The following RDX variants were observed in gnomAD, a reference collection of about 807,000 sequenced individuals.
The protein encoded by RDX is radixin, also known as deafness, autosomal recessive 24.
In RDX, 32 loss-of-function variants were observed where a neutral mutation model predicts 83.7. That is an observed-to-expected ratio of 0.38 (90% CI 0.29 to 0.51). The LOEUF is 0.51. Among genes scored for constraint, RDX ranks in the 20% least tolerant of loss-of-function variants. RDX has a pLI of 0.87. For missense variants in RDX, 600 were observed against 689.9 expected (o/e 0.87, Z 1.46); for synonymous variants, 229 against 222.7 (o/e 1.03, Z -0.25).
At chr11:110,270,261 A>G (rs1306025003) in intron 3 of RDX, among the ~76,000 whole-genome samples, 5 of 152,016 alleles carry the variant, frequency 3.3e-5, no homozygotes, top group Non-Finnish European at 4.4e-5. Context: ...ACACACCTAG[A>G]CTATATGGTA....
At chr11:110,276,252 T>C (rs1454363134) in intron 2 of RDX, among the ~76,000 whole-genome samples, 2 of 152,220 alleles carry the variant, frequency 1.3e-5, no homozygotes, top group Admixed American at 6.5e-5. Flanking sequence ...AGGGTTTTTT[T>C]TTAATCCCAA....
chr11:110,264,372 T>G (rs1307509085), intron 4 of RDX, 138 bp from the exon 5 acceptor site: 1 of 643,304 alleles, frequency 1.6e-6, no homozygotes, highest in Non-Finnish European at 2.6e-6. Flanking sequence ...TGTAATAGTC[T>G]AAATCTGTAA....
intron 11 of RDX, 132 bp downstream of exon 11, chr11:110,237,360 T>A: frequency 1.3e-6 from 1 of 787,072 alleles, no homozygotes. Flanking sequence ...CTACATTTTG[T>A]TATTAAGTTA....
rs59944885 is a variant in RDX at position 110,270,979 on chromosome 11, G to A, written c.96+1557C>T. ...ATATTCACAAACAGGAGGCACAGAA[G>A]AATCAACAGAAGTGGATATTATACC... On this transcript the variant is annotated intron_variant, in intron 3 of 13. Transcript: ENST00000645495. Among the ~76,000 whole-genome samples the A allele has an allele frequency of 1.9e-3, 294 of 152,180 alleles. 1 individual carries two copies. Among genetic ancestry groups the A allele is most frequent in the African/African-American group, 6.8e-3 (283 of 41,518 alleles).
At chr11:110,199,064 C>T (rs1863306852) in intron 15 of RDX, among the ~76,000 whole-genome samples, 1 of 152,166 alleles carries the variant, frequency 6.6e-6, no homozygotes, top group Admixed American at 6.5e-5. Flanking sequence ...ATCCACCTGC[C>T]TCCACCTCTG....
At chr11:110,276,396 T>G (rs115996230) in intron 2 of RDX, among the ~76,000 whole-genome samples, 2 of 152,332 alleles carry the variant, frequency 1.3e-5, no homozygotes, top group African/African-American at 4.8e-5. Context: ...TAATTAGTAC[T>G]TCTTTAAATA....
intron 14 of RDX, among the ~76,000 whole-genome samples, chr11:110,211,358 GACTT>G (rs1404063538): frequency 1.3e-5 from 2 of 151,638 alleles, no homozygotes; most frequent in Non-Finnish European, 2.9e-5. Flanking sequence ...CCTACAAAGA[GACTT>G]AGACTCCCAC....
chr11:110,221,274 A>G (rs916527209), intron 14 of RDX, among the ~76,000 whole-genome samples: 5 of 152,150 alleles, frequency 3.3e-5, no homozygotes, highest in Admixed American at 1.3e-4. Flanking sequence ...ACCCCCCCCA[A>G]AATACTTGTG....
Position 110,235,378 on chromosome 11 carries a change from T to A in RDX, c.1344+721A>T, listed in dbSNP as rs1864804259. On this transcript the variant is annotated intron_variant, in intron 12 of 13. Coordinates refer to ENST00000645495, the MANE Select transcript of RDX (RefSeq NM_002906.4). ...ATAATTCAACTTCATATCCAATCAC[T>A]GGTTCCCATGCCTTTTTGTGACCAC... 2.0e-5 allele frequency among the ~76,000 whole-genome samples: 3 copies of A among 152,172 alleles called. No homozygotes were observed. In the South Asian group the frequency reaches 6.2e-4, roughly 31 times the overall value.
chr11:110,219,330 G>A (rs1237882811), intron 14 of RDX, among the ~76,000 whole-genome samples: 2 of 152,182 alleles, frequency 1.3e-5, no homozygotes, highest in Admixed American at 1.3e-4. Flanking sequence ...AAGAGCTTCG[G>A]CAGGGACCAG....
At position 110,236,119 on chromosome 11, in the gene RDX, C is replaced by G; in HGVS notation, c.1324G>C (p.Ala442Pro). 1.9e-6 allele frequency: 3 copies of G among 1,611,590 alleles called. No individual in the cohort carries two copies. Among genetic ancestry groups the G allele is most frequent in the Non-Finnish European group, 2.5e-6 (3 of 1,179,440 alleles). Residue 442 changes from alanine to proline, a missense_variant, in exon 12 of 14, where the codon GCT becomes CCT. By Grantham distance (27) the Ala-to-Pro change is conservative. Coordinates refer to ENST00000645495, the MANE Select transcript of RDX (RefSeq NM_002906.4). ...EEAKKKKEEE[A>P]TEWQHKAFAA... ...ATTACTTTGTGTTGCCACTCAGTAGCTTCCTCTTCCTTTTTCTTCTTGGCT... is the reference window on the plus strand; with the variant it reads ...ATTACTTTGTGTTGCCACTCAGTAGGTTCCTCTTCCTTTTTCTTCTTGGCT...
chr11:110,198,569 G>GA (rs1426925028), intron 15 of RDX, among the ~76,000 whole-genome samples: 1 of 152,150 alleles, frequency 6.6e-6, no homozygotes. Flanking sequence ...ATTCTCAAAG[G>GA]AGCGAACCCT....
At chr11:110,215,371 AAT>A (rs1864007349) in intron 14 of RDX, among the ~76,000 whole-genome samples, 1 of 48,652 alleles carries the variant, frequency 2.1e-5, no homozygotes, top group Non-Finnish European at 4.5e-5. Flanking sequence ...TCAAAAAATA[AAT>A]AAATAAATAA....
chr11:110,178,222 G>C (rs1170235492), intron 15 of RDX, among the ~76,000 whole-genome samples: 1 of 152,102 alleles, frequency 6.6e-6, no homozygotes, highest in South Asian at 2.1e-4. Context: ...CAGCTCTCCT[G>C]GTCTTTCTAA....
rs1325338523 is a variant in RDX, at chr11:110,210,453, G to A, written c.1749-10775C>T. On this transcript the variant is annotated intron_variant, in intron 14 of 15. Coordinates refer to the RDX transcript ENST00000528498. ...CAGGAGAACTTCCCCAATCTAGCAA[G>A]GCAGGCCAACATTCAGATTCAGGAA... is the stretch of plus-strand genomic sequence containing the variant. Among the ~76,000 whole-genome samples, 49 of 144,708 alleles carry A rather than the reference G, an allele frequency of 3.4e-4. 1 individual carries two copies. Among genetic ancestry groups the A allele is most frequent in the African/African-American group, 1.0e-3 (40 of 38,228 alleles). 94.9% of individuals were successfully genotyped at this position (144,708 alleles called of 152,430 possible).
At chr11:110,193,253 A>T (rs1863136602) in intron 15 of RDX, among the ~76,000 whole-genome samples, 1 of 152,228 alleles carries the variant, frequency 6.6e-6, no homozygotes, top group South Asian at 2.1e-4. Context: ...ATCCTAAGCA[A>T]ATTAACATAG....
chr11:110,265,536 C>G (rs1410182392), intron 3 of RDX, among the ~76,000 whole-genome samples: 3 of 151,332 alleles, frequency 2.0e-5, no homozygotes, highest in Non-Finnish European at 4.4e-5. Context: ...CATAATCATA[C>G]GTTCCAATTT....
At chr11:110,260,950 G>A (rs1273776877) in intron 5 of RDX, among the ~76,000 whole-genome samples, 1 of 151,714 alleles carries the variant, frequency 6.6e-6, no homozygotes, top group African/African-American at 2.4e-5. Context: ...TTTTCAATCT[G>A]TGGTTGGTTG....
chr11:110,263,984 G>A lies in RDX; in HGVS notation c.443C>T (p.Ala148Val), dbSNP rs1194831380. 1 of 1,613,668 alleles carries A rather than the reference G, an allele frequency of 6.2e-7. No individual in the cohort carries two copies. Among genetic ancestry groups the A allele is most frequent in the East Asian group, 2.2e-5 (1 of 44,876 alleles). Residue 148 changes from alanine to valine, a missense_variant, in exon 5 of 14, where the codon GCT becomes GTT. Transcript: ENST00000645495. ...NKEIHKPGYL[A>V]NDRLLPQRVL... is the part of the protein sequence containing the mutation. ...CCGCTGGGGTAGGAGTCTATCATTAGCCAGGTAGCCTGGCTTATGAATCTC... is the reference window on the plus strand; with the variant it reads ...CCGCTGGGGTAGGAGTCTATCATTAACCAGGTAGCCTGGCTTATGAATCTC...
Sources: allele counts gnomAD v4.1 joint callset (sites outside exome capture counted in the v4.1 genomes callset), GRCh38; gene constraint gnomAD v4.1.1; transcripts MANE v1.5; gene names NCBI Gene and HGNC (gene_info 2026-07-23, HGNC 2026-07-21).